The following SLC23A2 variants were observed in gnomAD, a reference collection of about 807,000 sequenced individuals.
SLC23A2 encodes the protein solute carrier family 23 member 2, also known as Na(+)/L-ascorbic acid transporter 2.
In SLC23A2, 36 loss-of-function variants were observed where a neutral mutation model predicts 73.3. The observed-to-expected ratio is 0.49, with a 90% CI of 0.38 to 0.65. The LOEUF (loss-of-function observed/expected upper bound fraction) is 0.65. SLC23A2 is among the 30% of genes least tolerant of loss of function. The pLI, the probability that SLC23A2 is intolerant of heterozygous loss-of-function variation, is 0.00. For synonymous variants in SLC23A2, 343 were observed against 327.3 expected (o/e 1.05, Z -0.52); for missense variants, 507 against 841.6 (o/e 0.60, Z 4.92).
upstream of SLC23A2, chr20:5,001,578 A>C (rs1220551043): frequency 2.1e-4 from 28 of 133,358 alleles, no homozygotes; most frequent in Admixed American, 4.3e-4. Flanking sequence ...TCTGGGGCCC[A>C]CCTCCCTCCC....
Position 4,874,679 on chromosome 20 carries a change from A to T in SLC23A2, c.842T>A (p.Leu281Ter). Residue 281 changes from leucine to a stop codon, truncating the protein, a stop_gained, in exon 10 of 17, where the codon TTA becomes TAA. Transcript: ENST00000338244. LOFTEE classifies it high-confidence loss of function. ...ATTTCTGGCGTATTGAGAAAACAGT[A>T]ATACTAGGAATATTGTCCTGAGGAG... ...GIAMLTIFLV[L>*]LFSQYARNVK... The T allele has an allele frequency of 6.2e-7, 1 of 1,610,110 alleles. No homozygotes were observed. The highest frequency in any genetic ancestry group is 8.5e-7 in the Non-Finnish European group (1 of 1,177,714).
At position 4,863,491 on chromosome 20, in the gene SLC23A2, G is replaced by A. The variant is rs1032414923; in HGVS notation, c.1357-584C>T. On this transcript the variant is annotated intron_variant, in intron 13 of 16. Coordinates refer to ENST00000338244, the MANE Select transcript of SLC23A2 (RefSeq NM_005116.6). This position sits in a 1 kb window ranked among gnomAD's most constrained non-coding sequence, Gnocchi z 4.8. ...TTCATCTCAGTCACACACAAGCCTC[G>A]TGGTTTTGTTTTGAGGATTAAACGG... Among the ~76,000 whole-genome samples, 1 of 152,186 alleles carries A rather than the reference G, an allele frequency of 6.6e-6. No homozygotes were observed. Among genetic ancestry groups the A allele is most frequent in the African/African-American group, 2.4e-5 (1 of 41,448 alleles).
In SLC23A2 at chr20:4,902,614, C is replaced by T. The variant is rs1456146576; in HGVS notation, c.208-56G>A. The T allele has an allele frequency of 2.0e-6, 2 of 999,782 alleles. No individual in the cohort carries two copies. Among genetic ancestry groups the T allele is most frequent in the African/African-American group, 1.6e-5 (1 of 61,888 alleles). The allele number at this position is 999,782 out of a possible 1,614,324, so 61.9% of individuals were successfully genotyped here. The stretch of plus-strand genomic sequence containing the variant: ...CATTAAACGTGAAGACCAGTGTTAG[C>T]TCGGCCATGTACAGGCCACTATTAC... On this transcript the variant is annotated intron_variant, in intron 4 of 16. Transcript: ENST00000338244. The surrounding 1 kb of genome is among the most constrained non-coding windows in gnomAD (Gnocchi z 4.0).
At chr20:4,986,649 T>TATACAC (rs2087832584) in intron 1 of SLC23A2, among the ~76,000 whole-genome samples, 1 of 129,734 alleles carries the variant, frequency 7.7e-6, no homozygotes, top group Non-Finnish European at 1.6e-5. Flanking sequence ...CATACACACA[T>TATACAC]ACACACACAC....
intron 3 of SLC23A2, among the ~76,000 whole-genome samples, chr20:4,914,905 C>T (rs1346650498): frequency 1.3e-5 from 2 of 152,048 alleles, no homozygotes; most frequent in African/African-American, 2.4e-5. Context: ...CCAGGCATGG[C>T]GTTGCACATC....
intron 1 of SLC23A2, among the ~76,000 whole-genome samples, chr20:4,976,549 A>C (rs775067291): frequency 6.6e-6 from 1 of 151,826 alleles, no homozygotes; most frequent in Non-Finnish European, 1.5e-5. Context: ...GGTGGCATGC[A>C]CCTGTAATCC....
intron 4 of SLC23A2, among the ~76,000 whole-genome samples, chr20:4,904,027 G>A (rs1350241948): frequency 6.6e-6 from 1 of 152,150 alleles, no homozygotes; most frequent in Non-Finnish European, 1.5e-5. Flanking sequence ...CAGTGCAGTG[G>A]CTCACACCTG....
chr20:4,958,338 A>G (rs2087325108), intron 2 of SLC23A2, among the ~76,000 whole-genome samples: 2 of 152,232 alleles, frequency 1.3e-5, no homozygotes, highest in South Asian at 4.1e-4. Context: ...GAGTATTCTC[A>G]GATTAAATCT....
At chr20:4,931,637 C>T (rs1401713108) in intron 3 of SLC23A2, among the ~76,000 whole-genome samples, 1 of 152,018 alleles carries the variant, frequency 6.6e-6, no homozygotes, top group Non-Finnish European at 1.5e-5. Flanking sequence ...CTACAGGCTG[C>T]ACACACCTAT....
At chr20:4,866,567 A>G (rs1231210182) in intron 13 of SLC23A2, among the ~76,000 whole-genome samples, 1 of 152,152 alleles carries the variant, frequency 6.6e-6, no homozygotes, top group African/African-American at 2.4e-5. Context: ...CACATCCCCC[A>G]TACAGGGAGC....
At chr20:4,898,608 T>A (rs748436402) in intron 6 of SLC23A2, among the ~76,000 whole-genome samples, 4 of 152,094 alleles carry the variant, frequency 2.6e-5, no homozygotes, top group Admixed American at 6.5e-5. Context: ...AGCAAGAGGC[T>A]GCACTGCGAA....
chr20:4,926,816 T>C (rs190633980), intron 3 of SLC23A2, among the ~76,000 whole-genome samples: 71 of 152,208 alleles, frequency 4.7e-4, no homozygotes, highest in Non-Finnish European at 8.2e-4. Flanking sequence ...TTGTTTTATT[T>C]TGTTTAAAGA....
At position 4,862,494 on chromosome 20, in the gene SLC23A2, C is replaced by A. The variant is rs936330006; in HGVS notation, c.1486+284G>T. ...TGTCAAAATGGTCAGTTTTAAGTAG[C>A]CCATTCAGAGGGATGGTATTTGAGT... On this transcript the variant is annotated intron_variant, in intron 14 of 16. Transcript: ENST00000338244. This position sits in a 1 kb window ranked among gnomAD's most constrained non-coding sequence, Gnocchi z 5.1. Among the ~76,000 whole-genome samples, 1 of 152,058 alleles carries A rather than the reference C, an allele frequency of 6.6e-6. No homozygotes were observed. Among genetic ancestry groups the A allele is most frequent in the Non-Finnish European group, 1.5e-5 (1 of 68,008 alleles).
intron 13 of SLC23A2, among the ~76,000 whole-genome samples, chr20:4,866,639 G>T (rs569294669): frequency 5.0e-4 from 76 of 152,356 alleles, no homozygotes; most frequent in African/African-American, 1.8e-3. Context: ...CTGCCAACCT[G>T]GGGAAACCAA....
intron 2 of SLC23A2, among the ~76,000 whole-genome samples, chr20:4,946,729 A>G (rs540800709): frequency 6.6e-6 from 1 of 152,184 alleles, no homozygotes; most frequent in Non-Finnish European, 1.5e-5. Flanking sequence ...TGCATGAGCC[A>G]TGAAAGGTGA....
chr20:4,993,820 G>A (rs567224081), intron 1 of SLC23A2, among the ~76,000 whole-genome samples: 1 of 152,202 alleles, frequency 6.6e-6, no homozygotes, highest in Non-Finnish European at 1.5e-5. Flanking sequence ...AGTGGCTCAC[G>A]GCTGTAATCC....
chr20:4,887,992 T>C (rs953457728), intron 6 of SLC23A2, among the ~76,000 whole-genome samples: 18 of 152,208 alleles, frequency 1.2e-4, no homozygotes, highest in African/African-American at 3.9e-4. Context: ...TTGCCCAGTG[T>C]GAAGACGGTC....
intron 2 of SLC23A2, among the ~76,000 whole-genome samples, chr20:4,953,917 C>T (rs892419141): frequency 6.6e-6 from 1 of 151,696 alleles, no homozygotes; most frequent in African/African-American, 2.4e-5. Context: ...AAAATAAATG[C>T]CAACCCCCAA....
At chr20:5,000,956 G>T (rs935702841) in intron 1 of SLC23A2, among the ~76,000 whole-genome samples, 1 of 152,176 alleles carries the variant, frequency 6.6e-6, no homozygotes, top group East Asian at 1.9e-4. Flanking sequence ...ATTCCAGGGG[G>T]CGAGACGATG....
Sources: allele counts gnomAD v4.1 joint callset (sites outside exome capture counted in the v4.1 genomes callset), GRCh38; gene constraint gnomAD v4.1.1; non-coding constraint Gnocchi (gnomAD v3.1); transcripts MANE v1.5; gene names NCBI Gene and HGNC (gene_info 2026-07-23, HGNC 2026-07-21).